Variants in UBE2K observed in about 807,000 individuals in gnomAD.
The protein encoded by UBE2K is ubiquitin conjugating enzyme E2 K.
UBE2K carries 6 observed loss-of-function variants against 30.0 expected under a neutral mutation model. The observed-to-expected ratio is 0.20, with a 90% confidence interval of 0.11 to 0.39. The LOEUF is 0.39. Among genes scored for constraint, UBE2K ranks in the 10% least tolerant of loss-of-function variants. The pLI, the probability that UBE2K is intolerant of heterozygous loss-of-function variation, is 1.00. For synonymous variants in UBE2K, 86 were observed against 83.7 expected (o/e 1.03, Z -0.15); for missense variants, 61 against 241.6 (o/e 0.25, Z 4.96).
At chr4:39,709,815 G>A (rs2109310069) in intron 1 of UBE2K, among the ~76,000 whole-genome samples, 1 of 152,090 alleles carries the variant, frequency 6.6e-6, no homozygotes, top group South Asian at 2.1e-4. Context: ...GTTCATTTGG[G>A]AAACTCTCAA....
At chr4:39,771,593 G>A (rs1324815531) in intron 4 of UBE2K, among the ~76,000 whole-genome samples, 6 of 152,180 alleles carry the variant, frequency 3.9e-5, no homozygotes, top group African/African-American at 1.4e-4. Flanking sequence ...GGGCGCGCTC[G>A]CGCTGGCGGG....
rs985688210 is a variant in UBE2K at position 39,744,916 on chromosome 4, A to T, written c.158-836A>T. ...AGCGAGACTCTGTCTCAAAAAAAAA[A>T]AAAATAAATTAAATAAAATAAATAA... On this transcript the variant is annotated intron_variant, in intron 2 of 6. Transcript: ENST00000261427. 7.8e-4 allele frequency among the ~76,000 whole-genome samples: 117 copies of T among 150,870 alleles called. 1 individual carries two copies. Among genetic ancestry groups the T allele is most frequent in the African/African-American group, 2.6e-3 (109 of 41,298 alleles).
At chr4:39,752,910 T>A (rs1721343729) in intron 3 of UBE2K, among the ~76,000 whole-genome samples, 1 of 151,726 alleles carries the variant, frequency 6.6e-6, no homozygotes, top group Non-Finnish European at 1.5e-5. Context: ...ATCCCAGCAG[T>A]TTGGGAGGCC....
chr4:39,757,044 A>C (rs1296990409), intron 4 of UBE2K, among the ~76,000 whole-genome samples: 1 of 68,938 alleles, frequency 1.5e-5, no homozygotes, highest in African/African-American at 5.2e-5. Context: ...TTTTTTTTTG[A>C]GACAGAGTTT....
At chr4:39,764,203 A>C (rs1560375033) in intron 4 of UBE2K, among the ~76,000 whole-genome samples, 2 of 152,182 alleles carry the variant, frequency 1.3e-5, no homozygotes, top group South Asian at 4.1e-4. Flanking sequence ...AAAAATTTTA[A>C]AATTAGCTGG....
At chr4:39,747,810 T>C (rs1171301716) in intron 3 of UBE2K, among the ~76,000 whole-genome samples, 1 of 151,502 alleles carries the variant, frequency 6.6e-6, no homozygotes, top group Non-Finnish European at 1.5e-5. Context: ...GTTTTCTTTT[T>C]TTTTTTTTTG....
chr4:39,743,067 A>G (rs1720791874), intron 2 of UBE2K, among the ~76,000 whole-genome samples: 1 of 151,808 alleles, frequency 6.6e-6, no homozygotes, highest in African/African-American at 2.4e-5. Flanking sequence ...AAAGAGAAGG[A>G]TTCGAAACAA....
intron 1 of UBE2K, among the ~76,000 whole-genome samples, chr4:39,712,946 AC>A (rs1392990891): frequency 1.3e-5 from 2 of 150,604 alleles, no homozygotes; most frequent in Admixed American, 1.3e-4. Context: ...GCTCGCTGCA[AC>A]CTCTGCCTCC....
intron 4 of UBE2K, among the ~76,000 whole-genome samples, chr4:39,773,051 T>A (rs932913379): frequency 1.3e-5 from 2 of 152,292 alleles, no homozygotes; most frequent in African/African-American, 2.4e-5. Context: ...TACTATTTTT[T>A]AGACAAATAT....
intron 1 of UBE2K, among the ~76,000 whole-genome samples, chr4:39,710,797 T>A (rs1255716130): frequency 5.3e-5 from 8 of 152,106 alleles, no homozygotes; most frequent in Admixed American, 5.2e-4. Flanking sequence ...AAGATTTTTT[T>A]AAAACTAAGA....
chr4:39,700,485 A>G (rs1474203684), intron 1 of UBE2K, among the ~76,000 whole-genome samples: 1 of 152,188 alleles, frequency 6.6e-6, no homozygotes, highest in Non-Finnish European at 1.5e-5. Flanking sequence ...GGGTCACATC[A>G]TTTAATCTTG....
chr4:39,752,601 G>A (rs1721328469), intron 3 of UBE2K, among the ~76,000 whole-genome samples: 1 of 152,110 alleles, frequency 6.6e-6, no homozygotes, highest in Non-Finnish European at 1.5e-5. Context: ...CTCCCAAAGT[G>A]CTGGGATTAC....
chr4:39,712,096 GA>G (rs1355125705), intron 1 of UBE2K, among the ~76,000 whole-genome samples: 43 of 136,344 alleles, frequency 3.2e-4, no homozygotes, highest in Non-Finnish European at 4.6e-4. Context: ...AAGAGGAAGG[GA>G]AAAAAAAAAC....
chr4:39,724,871 C>T (rs900089819), intron 1 of UBE2K, among the ~76,000 whole-genome samples: 1 of 151,952 alleles, frequency 6.6e-6, no homozygotes, highest in African/African-American at 2.4e-5. Flanking sequence ...TAGGATTGGG[C>T]TGTGTTTTGT....
At chr4:39,709,322 A>G (rs912275520) in intron 1 of UBE2K, among the ~76,000 whole-genome samples, 2 of 152,056 alleles carry the variant, frequency 1.3e-5, no homozygotes, top group Admixed American at 1.3e-4. Flanking sequence ...AGAAAAGCTC[A>G]AGATGAGGGT....
At chr4:39,741,472 A>G (rs1720700755) in intron 2 of UBE2K, among the ~76,000 whole-genome samples, 1 of 152,218 alleles carries the variant, frequency 6.6e-6, no homozygotes, top group African/African-American at 2.4e-5. Context: ...TTTAAATGTG[A>G]CGATAGGTTA....
At chr4:39,718,827 G>A (rs147579773) in intron 1 of UBE2K, among the ~76,000 whole-genome samples, 1 of 152,368 alleles carries the variant, frequency 6.6e-6, no homozygotes, top group African/African-American at 2.4e-5. Context: ...CGCCCACCTG[G>A]AAATCTAGCT....
chr4:39,711,110 T>A (rs572607174), intron 1 of UBE2K, among the ~76,000 whole-genome samples: 11 of 151,796 alleles, frequency 7.2e-5, no homozygotes, highest in South Asian at 2.1e-4. Context: ...AAGTTTTTTT[T>A]AAAAACAGTT....
Position 39,701,506 on chromosome 4 carries a change from A to G in UBE2K, c.63+3116A>G, listed in dbSNP as rs568049921. ...CTATTTCCTAGATGAGAAAATAGAG[A>G]TTTAGAGAAGTTAAATTATTTGTCT... is the stretch of plus-strand genomic sequence containing the variant. On this transcript the variant is annotated intron_variant, in intron 1 of 6. Transcript: ENST00000261427. Among the ~76,000 whole-genome samples the G allele has an allele frequency of 8.5e-5, 13 of 152,226 alleles. No individual in the cohort carries two copies. In the South Asian group the frequency reaches 2.5e-3, roughly 29 times the overall value.
Sources: gnomAD v4.1 joint callset for allele counts (sites outside exome capture counted in the v4.1 genomes callset) on GRCh38, gnomAD v4.1.1 for gene constraint, MANE v1.5 for transcripts, NCBI Gene and HGNC (gene_info 2026-07-23, HGNC 2026-07-21) for gene names.